CNTNAP2: variants seen among roughly 807,000 people sequenced by gnomAD.
CNTNAP2 encodes contactin-associated protein-like 2.
CNTNAP2 carries 98 observed loss-of-function variants against 155.2 expected under a neutral mutation model. The observed-to-expected ratio is 0.63, with a 90% CI of 0.54 to 0.75. CNTNAP2 has a LOEUF of 0.75. CNTNAP2 is among the 30% of genes least tolerant of loss of function. The pLI is 0.00. For synonymous variants in CNTNAP2, 651 were observed against 631.2 expected (o/e 1.03, Z -0.47); for missense variants, 1,727 against 1,688.1 (o/e 1.02, Z -0.40).
intron 3 of CNTNAP2, among the ~76,000 whole-genome samples, chr7:146,879,357 C>T (rs1189940703): frequency 6.6e-6 from 1 of 152,080 alleles, no homozygotes; most frequent in East Asian, 1.9e-4. Context: ...TTTTATATAT[C>T]ATGTTAGTAA....
intron 9 of CNTNAP2, among the ~76,000 whole-genome samples, chr7:147,348,602 A>G (rs571018159): frequency 1.3e-5 from 2 of 152,134 alleles, no homozygotes; most frequent in South Asian, 4.1e-4. Context: ...TCAAAAAACT[A>G]CAAATAGCAC....
chr7:148,300,383 A>G (rs914129570), intron 21 of CNTNAP2, among the ~76,000 whole-genome samples: 2 of 152,246 alleles, frequency 1.3e-5, no homozygotes, highest in Non-Finnish European at 2.9e-5. Context: ...TACTCGTTAT[A>G]TGTTATGATT....
At chr7:146,603,653 C>T (rs1798989199) in intron 1 of CNTNAP2, among the ~76,000 whole-genome samples, 1 of 150,982 alleles carries the variant, frequency 6.6e-6, no homozygotes, top group Non-Finnish European at 1.5e-5. Flanking sequence ...GGAGGAATCA[C>T]ACTACCTGAC....
At chr7:146,706,807 A>G (rs1394158939) in intron 1 of CNTNAP2, among the ~76,000 whole-genome samples, 1 of 152,026 alleles carries the variant, frequency 6.6e-6, no homozygotes. Context: ...AGGAAAAATA[A>G]CTAATAGGTA....
At chr7:146,776,648 T>G (rs888802084) in intron 2 of CNTNAP2, among the ~76,000 whole-genome samples, 1 of 152,236 alleles carries the variant, frequency 6.6e-6, no homozygotes, top group African/African-American at 2.4e-5. Flanking sequence ...TACCAGATGC[T>G]GAAACTTTAG....
chr7:146,209,689 A>G (rs1028530547), intron 1 of CNTNAP2, among the ~76,000 whole-genome samples: 1 of 152,222 alleles, frequency 6.6e-6, no homozygotes, highest in Non-Finnish European at 1.5e-5. Context: ...AGTACTTAAA[A>G]TAAAGGAAAT....
chr7:147,951,277 A>C lies in CNTNAP2; in HGVS notation c.2256-26585A>C, dbSNP rs1344230. 1.7e-3 allele frequency among the ~76,000 whole-genome samples: 257 copies of C among 152,338 alleles called. 1 individual carries two copies. Among genetic ancestry groups the C allele is most frequent in the African/African-American group, 5.9e-3 (246 of 41,578 alleles). On this transcript the variant is annotated intron_variant, in intron 14 of 23. Transcript: ENST00000361727. Reference sequence around the variant, plus strand: ...AGAGAATGTGAGGACACGTAAGAACAACAGTAAGAAAAAGTACAGAAAGAA... The same window carrying C: ...AGAGAATGTGAGGACACGTAAGAACCACAGTAAGAAAAAGTACAGAAAGAA...
At position 148,085,357 on chromosome 7, in the gene CNTNAP2, G is replaced by A. The variant is rs1007437613; in HGVS notation, c.2384-32761G>A. Among the ~76,000 whole-genome samples the A allele has an allele frequency of 3.9e-5, 6 of 152,176 alleles. 1 individual carries two copies. The highest frequency in any genetic ancestry group is 3.9e-4 in the Admixed American group (6 of 15,292). ...AAATGTGAATTTTTCTATTTTATAA[G>A]GATATAGCTTGGGTTGTTAAGCATC... On this transcript the variant is annotated intron_variant, in intron 15 of 23. Coordinates refer to ENST00000361727, the MANE Select transcript of CNTNAP2 (RefSeq NM_014141.6).
intron 13 of CNTNAP2, among the ~76,000 whole-genome samples, chr7:147,695,941 C>G (rs1191043452): frequency 6.6e-6 from 1 of 152,160 alleles, no homozygotes; most frequent in Admixed American, 6.5e-5. Context: ...CTCCACTTTC[C>G]TGACAAATTT....
rs141609501 is a variant in CNTNAP2, at chr7:146,883,988, A to G, written c.402+44084A>G. 3.8e-3 allele frequency among the ~76,000 whole-genome samples: 578 copies of G among 152,262 alleles called. 1 individual carries two copies. The highest frequency in any genetic ancestry group is 0.014 in the African/African-American group (562 of 41,554). On this transcript the variant is annotated intron_variant, in intron 3 of 23. Transcript: ENST00000361727. ...CTATCTTGGTTACTATTGATGTTCA[A>G]TGAATTTTAAGCATGTAAATAGGGC...
At chr7:147,895,825 C>T (rs184220049) in intron 13 of CNTNAP2, among the ~76,000 whole-genome samples, 71 of 152,294 alleles carry the variant, frequency 4.7e-4, no homozygotes, top group African/African-American at 1.6e-3. Context: ...ATATAAAATA[C>T]ACAACAAATT....
chr7:148,290,530 G>T (rs527866976), intron 21 of CNTNAP2, among the ~76,000 whole-genome samples: 285 of 152,292 alleles, frequency 1.9e-3, no homozygotes, highest in Middle Eastern at 3.4e-3. Flanking sequence ...CCAGAGATGG[G>T]AATTTATCTT....
intron 3 of CNTNAP2, among the ~76,000 whole-genome samples, chr7:146,885,026 G>A (rs147958169): frequency 1.3e-5 from 2 of 152,142 alleles, no homozygotes; most frequent in Admixed American, 6.6e-5. Flanking sequence ...TTAAATGCAT[G>A]TGTATCTCCC....
chr7:146,760,694 T>C (rs1585077692), intron 1 of CNTNAP2, among the ~76,000 whole-genome samples: 1 of 151,786 alleles, frequency 6.6e-6, no homozygotes, highest in African/African-American at 2.4e-5. Flanking sequence ...CAAAGTGCTG[T>C]GATTACAGGT....
intron 10 of CNTNAP2, among the ~76,000 whole-genome samples, chr7:147,485,133 C>T (rs1052650060): frequency 2.0e-5 from 3 of 152,280 alleles, no homozygotes; most frequent in African/African-American, 2.4e-5. Flanking sequence ...GCCCTGGAGG[C>T]TGTGTTTCAG....
At chr7:148,244,312 C>T (rs1421502029) in intron 20 of CNTNAP2, among the ~76,000 whole-genome samples, 1 of 152,110 alleles carries the variant, frequency 6.6e-6, no homozygotes, top group Non-Finnish European at 1.5e-5. Flanking sequence ...CACAAGTTCT[C>T]TCTTTAGGTC....
chr7:148,009,133 C>A (rs995649136), intron 15 of CNTNAP2, among the ~76,000 whole-genome samples: 1 of 152,148 alleles, frequency 6.6e-6, no homozygotes, highest in Admixed American at 6.6e-5. Context: ...GTTGAAAATT[C>A]GTTTAATACA....
At chr7:147,330,136 C>A (rs978931133) in intron 9 of CNTNAP2, among the ~76,000 whole-genome samples, 10 of 152,050 alleles carry the variant, frequency 6.6e-5, no homozygotes, top group African/African-American at 2.2e-4. Flanking sequence ...GGGTTGGAAT[C>A]TTTTACCCCA....
chr7:147,761,911 G>A (rs898728897), intron 13 of CNTNAP2, among the ~76,000 whole-genome samples: 1 of 151,908 alleles, frequency 6.6e-6, no homozygotes, highest in Non-Finnish European at 1.5e-5. Context: ...TATGTTTATG[G>A]GCTATGGCAT....
Sources: gnomAD v4.1 joint callset for allele counts (sites outside exome capture counted in the v4.1 genomes callset) on GRCh38, gnomAD v4.1.1 for gene constraint, MANE v1.5 for transcripts, NCBI Gene and HGNC (gene_info 2026-07-23, HGNC 2026-07-21) for gene names.